The following MYO1E variants were observed in gnomAD, a reference collection of about 807,000 sequenced individuals.
MYO1E encodes unconventional myosin-Ie.
A neutral mutation model predicts 151.1 loss-of-function variants in MYO1E; 68 were observed. The ratio of observed to expected loss-of-function variants is 0.45; its 90% CI spans 0.37 to 0.55. The LOEUF (loss-of-function observed/expected upper bound fraction) is 0.55. MYO1E is among the 20% of genes least tolerant of loss of function. The pLI is 0.00. For missense variants in MYO1E, 1,363 were observed against 1,389.3 expected (o/e 0.98, Z 0.30); for synonymous variants, 601 against 501.7 (o/e 1.20, Z -2.64).
At chr15:59,265,198 G>A (rs1233262747) in intron 2 of MYO1E, among the ~76,000 whole-genome samples, 1 of 152,092 alleles carries the variant, frequency 6.6e-6, no homozygotes, top group East Asian at 1.9e-4. Flanking sequence ...CTTCCATGGA[G>A]GAGGGTACTT....
At chr15:59,152,248 C>A (rs1389686276) in intron 26 of MYO1E, among the ~76,000 whole-genome samples, 2 of 152,142 alleles carry the variant, frequency 1.3e-5, no homozygotes, top group African/African-American at 4.8e-5. Flanking sequence ...AACCAACCAA[C>A]AAACAAAAAG....
intron 2 of MYO1E, among the ~76,000 whole-genome samples, chr15:59,267,100 A>T (rs2080260440): frequency 8.0e-6 from 1 of 124,886 alleles, no homozygotes; most frequent in African/African-American, 3.2e-5. Context: ...ATCTCGGCTC[A>T]CTGCAACCTC....
chr15:59,208,818 C>T lies in MYO1E; in HGVS notation c.1393G>A (p.Asp465Asn), dbSNP rs138436618. The T allele has an allele frequency of 6.2e-7, 1 of 1,614,228 alleles. No homozygotes were observed. The highest frequency in any genetic ancestry group is 8.5e-7 in the Non-Finnish European group (1 of 1,180,040). The change falls in exon 14 of 28, where the codon GAC becomes AAC. Residue 465 changes from aspartate to asparagine, a missense_variant. By Grantham distance (23) the Asp-to-Asn change is conservative. Transcript: ENST00000288235. ...NPPGIMSILD[D>N]VCATMHAVGE... Reference sequence around the variant, plus strand: ...ACCGCATGCATCGTGGCGCACACGTCATCCAGGATGCTCATGATGCCAGGA... The same window carrying T: ...ACCGCATGCATCGTGGCGCACACGTTATCCAGGATGCTCATGATGCCAGGA...
At chr15:59,251,644 T>C (rs773060905) in intron 4 of MYO1E, among the ~76,000 whole-genome samples, 2 of 152,362 alleles carry the variant, frequency 1.3e-5, no homozygotes, top group East Asian at 1.9e-4. Flanking sequence ...TAAAATGTCA[T>C]GAAGTCTATA....
rs149819449 is a variant in MYO1E, at chr15:59,187,508, C to G, written c.1904+610G>C. On this transcript the variant is annotated intron_variant, in intron 18 of 27. Coordinates refer to ENST00000288235, the MANE Select transcript of MYO1E (RefSeq NM_004998.4). ...AAAATGTGAAGTGGTGCAGCCACTTCAGAAAACAATCAGGCAGTTCCTCTC... is the reference window on the plus strand; with the variant it reads ...AAAATGTGAAGTGGTGCAGCCACTTGAGAAAACAATCAGGCAGTTCCTCTC... Among the ~76,000 whole-genome samples, 767 of 152,328 alleles carry G rather than the reference C, an allele frequency of 5.0e-3. 31 individuals are homozygous for G. Among genetic ancestry groups the G allele is most frequent in the Admixed American group, 0.043 (651 of 15,300 alleles).
intron 26 of MYO1E, among the ~76,000 whole-genome samples, chr15:59,149,038 GTTTTTTTTTTTTTGTTTTTTTTTT>G (rs1194749849): frequency 4.5e-5 from 4 of 89,558 alleles, no homozygotes; most frequent in African/African-American, 1.8e-4. Flanking sequence ...TGGATGAACT[GTTTTTTTTTTTTTGTTTTTTTTTT>G]TTTTTTTTTT....
chr15:59,292,654 T>G (rs1269335208), intron 1 of MYO1E, among the ~76,000 whole-genome samples: 2 of 152,172 alleles, frequency 1.3e-5, no homozygotes, highest in Non-Finnish European at 2.9e-5. Flanking sequence ...CAGAGCAGAG[T>G]TAAGGTTGCT....
At chr15:59,211,382 T>C (rs2079878335) in intron 12 of MYO1E, among the ~76,000 whole-genome samples, 1 of 152,084 alleles carries the variant, frequency 6.6e-6, no homozygotes, top group African/African-American at 2.4e-5. Context: ...CTTTCTTATT[T>C]CCAGACCTTT....
At chr15:59,161,841 T>C (rs978754436) in intron 23 of MYO1E, among the ~76,000 whole-genome samples, 10 of 152,246 alleles carry the variant, frequency 6.6e-5, no homozygotes, top group African/African-American at 2.4e-4. Flanking sequence ...GCCTGTATTA[T>C]GCAATCCTTA....
intron 17 of MYO1E, among the ~76,000 whole-genome samples, chr15:59,191,903 C>T (rs2079736598): frequency 6.6e-6 from 1 of 152,156 alleles, no homozygotes; most frequent in South Asian, 2.1e-4. Flanking sequence ...TTGATCAGGG[C>T]TAGAGAACTC....
chr15:59,306,817 C>G (rs187952059), intron 1 of MYO1E, among the ~76,000 whole-genome samples: 1 of 152,212 alleles, frequency 6.6e-6, no homozygotes, highest in African/African-American at 2.4e-5. Context: ...TGGTGAGGCA[C>G]GCCTGGTGCT....
intron 1 of MYO1E, among the ~76,000 whole-genome samples, chr15:59,343,089 C>G (rs59107240): frequency 2.0e-5 from 3 of 152,048 alleles, no homozygotes; most frequent in African/African-American, 7.2e-5. Flanking sequence ...TGTGTACTTA[C>G]TATTACCAGT....
chr15:59,254,818 T>C (rs149628748), intron 4 of MYO1E, among the ~76,000 whole-genome samples: 81 of 152,070 alleles, frequency 5.3e-4, no homozygotes, highest in African/African-American at 1.9e-3. Flanking sequence ...ATATTCACAA[T>C]AGTAAGCAGA....
rs563381689 is a variant in MYO1E, at chr15:59,245,458, G to C, written c.333-8786C>G. 1.2e-4 allele frequency among the ~76,000 whole-genome samples: 18 copies of C among 152,240 alleles called. No homozygotes were observed. The South Asian group carries it at 3.5e-3, about 30-fold the overall frequency. The stretch of plus-strand genomic sequence containing the variant: ...ACTCAATCAGTCAGCAAATCCCACT[G>C]ATGTACCTTCAAAATATCTCTCGCC... On this transcript the variant is annotated intron_variant, in intron 4 of 27. Transcript: ENST00000288235.
At chr15:59,305,311 G>C (rs1238051751) in intron 1 of MYO1E, among the ~76,000 whole-genome samples, 2 of 151,960 alleles carry the variant, frequency 1.3e-5, no homozygotes, top group Non-Finnish European at 2.9e-5. Flanking sequence ...CTCCCACCTC[G>C]GCCTTCTGAG....
intron 1 of MYO1E, among the ~76,000 whole-genome samples, chr15:59,308,288 C>A (rs1237326496): frequency 1.4e-5 from 2 of 147,172 alleles, no homozygotes; most frequent in Non-Finnish European, 3.0e-5. Flanking sequence ...GTAATCCCAG[C>A]ACTTTGGGAG....
intron 1 of MYO1E, among the ~76,000 whole-genome samples, chr15:59,340,530 G>GT (rs2080758925): frequency 2.0e-5 from 3 of 152,136 alleles, no homozygotes; most frequent in Admixed American, 1.3e-4. Context: ...CACTCACTGT[G>GT]TTTTTACCAT....
chr15:59,175,161 G>A (rs778368008), intron 19 of MYO1E, among the ~76,000 whole-genome samples: 19 of 152,170 alleles, frequency 1.2e-4, no homozygotes, highest in Non-Finnish European at 2.4e-4. Flanking sequence ...GTGAACCTAG[G>A]TCTTTCAGGC....
intron 18 of MYO1E, among the ~76,000 whole-genome samples, chr15:59,179,213 T>C (rs2079644158): frequency 3.9e-5 from 6 of 152,140 alleles, no homozygotes. Context: ...CCCGCTTGGG[T>C]GTCTCACCTT....
Sources: allele counts gnomAD v4.1 joint callset (sites outside exome capture counted in the v4.1 genomes callset), GRCh38; gene constraint gnomAD v4.1.1; transcripts MANE v1.5; gene names NCBI Gene and HGNC (gene_info 2026-07-23, HGNC 2026-07-21).